Variants in FKTN observed in about 807,000 individuals in gnomAD.
The protein encoded by FKTN is fukutin, also known as ribitol-5-phosphate transferase FKTN.
Under a neutral mutation model 58.6 loss-of-function variants are expected in FKTN, and 47 were observed. The ratio of observed to expected loss-of-function variants is 0.80; its 90% CI spans 0.63 to 1.02. The LOEUF (loss-of-function observed/expected upper bound fraction) is 1.02, where lower values mean the gene tolerates loss of function less well. FKTN is among the 50% of genes least tolerant of loss of function. The pLI, the probability that FKTN is intolerant of heterozygous loss-of-function variation, is 0.00. For missense variants in FKTN, 516 were observed against 537.3 expected (o/e 0.96, Z 0.39); for synonymous variants, 178 against 191.9 (o/e 0.93, Z 0.60).
intron 1 of FKTN, among the ~76,000 whole-genome samples, chr9:105,563,428 C>T (rs1838688629): frequency 6.6e-6 from 1 of 152,178 alleles, no homozygotes; most frequent in Non-Finnish European, 1.5e-5. Context: ...CAAATGGCAC[C>T]TGGAAAATCG....
intron 9 of FKTN, among the ~76,000 whole-genome samples, chr9:105,618,838 G>A (rs1204258496): frequency 6.6e-6 from 1 of 152,198 alleles, no homozygotes; most frequent in East Asian, 1.9e-4. Flanking sequence ...GGGAGGCCGA[G>A]GCGGGTGGAT....
rs917793162 is a variant in FKTN, at chr9:105,568,911, C to T, written c.-180-4744C>T. On this transcript the variant is annotated intron_variant, in intron 1 of 10. Coordinates refer to ENST00000357998, the MANE Select transcript of FKTN (RefSeq NM_001079802.2). Reference sequence around the variant, plus strand: ...ACCCAGATGTCCATCAGTGATAGACCGGATTAAGAAAATGTGGCACATATA... The same window carrying T: ...ACCCAGATGTCCATCAGTGATAGACTGGATTAAGAAAATGTGGCACATATA... Among the ~76,000 whole-genome samples, 28 of 151,906 alleles carry T rather than the reference C, an allele frequency of 1.8e-4. No homozygotes were observed. In the East Asian group the frequency reaches 2.1e-3, roughly 12 times the overall value.
rs758301512 is a variant in FKTN, at chr9:105,635,393, A to G, written c.*129A>G. 1.3e-5 allele frequency: 19 copies of G among 1,516,920 alleles called. No homozygotes were observed. Among genetic ancestry groups the G allele is most frequent in the Non-Finnish European group, 1.7e-5 (19 of 1,135,606 alleles). The allele number at this position is 1,516,920 out of a possible 1,614,324, so 94.0% of individuals were successfully genotyped here. A position where few individuals can be genotyped will look rare whatever the true frequency, so the allele number is the denominator to read the frequency against. ...AAATGTGACAAGTTTGAAGACACAGAAAGAGTCATCTGATGTAATTCTCTC... is the reference window on the plus strand; with the variant it reads ...AAATGTGACAAGTTTGAAGACACAGGAAGAGTCATCTGATGTAATTCTCTC... On this transcript the variant is annotated 3_prime_UTR_variant, in exon 11 of 11. Transcript: ENST00000357998.
At chr9:105,599,013 G>A (rs1827339337) in intron 4 of FKTN, among the ~76,000 whole-genome samples, 1 of 151,704 alleles carries the variant, frequency 6.6e-6, no homozygotes, top group South Asian at 2.1e-4. Flanking sequence ...ACACTATTAA[G>A]AAAATGAATA....
intron 10 of FKTN, among the ~76,000 whole-genome samples, chr9:105,625,531 G>A (rs1160292619): frequency 6.6e-6 from 1 of 152,176 alleles, no homozygotes; most frequent in Non-Finnish European, 1.5e-5. Context: ...GCTAGTGTGT[G>A]TAGGCATGGA....
intron 3 of FKTN, among the ~76,000 whole-genome samples, chr9:105,579,179 G>C (rs997041243): frequency 1.3e-5 from 2 of 152,060 alleles, no homozygotes; most frequent in Non-Finnish European, 2.9e-5. Context: ...GTTCTGCTCT[G>C]ATCTTAGTTA....
intron 3 of FKTN, among the ~76,000 whole-genome samples, chr9:105,589,609 T>C (rs1844497749): frequency 6.6e-6 from 1 of 151,992 alleles, no homozygotes. Context: ...CTTAGGTAAG[T>C]ATAAGGTTTA....
At chr9:105,620,926 G>A (rs984734127) in intron 10 of FKTN, among the ~76,000 whole-genome samples, 8 of 152,004 alleles carry the variant, frequency 5.3e-5, no homozygotes, top group African/African-American at 1.9e-4. Context: ...GAGAACTTCT[G>A]TAAGAGTGTC....
intron 10 of FKTN, among the ~76,000 whole-genome samples, chr9:105,626,981 C>CTTTTTTTTTTTTTTTTTTTTT (rs60710867): frequency 1.6e-5 from 2 of 128,032 alleles, no homozygotes; most frequent in African/African-American, 6.0e-5. Context: ...CTTCTTTATT[C>CTTTTTTTTTTTTTTTTTTTTT]TTTTTTTTTT....
intron 10 of FKTN, among the ~76,000 whole-genome samples, chr9:105,632,532 G>A (rs1294589949): frequency 6.6e-6 from 1 of 151,862 alleles, no homozygotes; most frequent in Non-Finnish European, 1.5e-5. Context: ...ATAAAACACT[G>A]TTGGTTCTGG....
rs916485069 is a variant in FKTN, at chr9:105,638,507, A to C, written c.*3243A>C. On this transcript the variant is annotated 3_prime_UTR_variant, in exon 11 of 11. Coordinates refer to ENST00000357998, the MANE Select transcript of FKTN (RefSeq NM_001079802.2). ...CATCCCATTGCCACTTTACCATTCT[A>C]TTTCCCAAGGGAACCATCAGCACCA... The C allele has an allele frequency of 3.0e-6, 3 of 985,226 alleles. No individual in the cohort carries two copies. The African/African-American group carries it at 5.2e-5, about 17-fold the overall frequency. 61.0% of individuals were successfully genotyped at this position (985,226 alleles called of 1,614,324 possible).
At chr9:105,630,198 A>G (rs901788827) in intron 10 of FKTN, among the ~76,000 whole-genome samples, 3 of 152,152 alleles carry the variant, frequency 2.0e-5, no homozygotes, top group African/African-American at 7.2e-5. Context: ...CTTCAAGTAT[A>G]ATTAAAAAAA....
At position 105,593,006 on chromosome 9, in the gene FKTN, C is replaced by T. The variant is rs144994744; in HGVS notation, c.106-3592C>T. Among the ~76,000 whole-genome samples the T allele has an allele frequency of 8.7e-4, 132 of 152,312 alleles. 2 individuals carry two copies. The highest frequency in any genetic ancestry group is 1.6e-3 in the Non-Finnish European group (111 of 68,036). On this transcript the variant is annotated intron_variant, in intron 3 of 10. Transcript: ENST00000357998. The stretch of plus-strand genomic sequence containing the variant: ...GACACCTTACAGCAACACTGCTTTC[C>T]TGGTACCAATTTTCTGTAGTTAGTC...
intron 5 of FKTN, 104 bp from the exon 6 acceptor site, chr9:105,604,111 C>G: frequency 1.6e-6 from 2 of 1,217,878 alleles, no homozygotes; most frequent in East Asian, 4.7e-5. Context: ...AAATATGGCT[C>G]AAGTTCAATA....
Position 105,593,228 on chromosome 9 carries a change from A to AAG in FKTN, c.106-3361_106-3360dup, listed in dbSNP as rs1445357404. 2.0e-5 allele frequency among the ~76,000 whole-genome samples: 3 copies of AAG among 152,146 alleles called. No individual in the cohort carries two copies. In the East Asian group the frequency reaches 5.8e-4, roughly 29 times the overall value. On this transcript the variant is annotated intron_variant, in intron 3 of 10. Coordinates refer to ENST00000357998, the MANE Select transcript of FKTN (RefSeq NM_001079802.2). ...CACTTCATATGGCTGGAGCAGGAAG[A>AAG]AGAGAGAGAGGGAGGAGGTGCTACA...
At chr9:105,591,735 C>T (rs1381886800) in intron 3 of FKTN, among the ~76,000 whole-genome samples, 1 of 152,244 alleles carries the variant, frequency 6.6e-6, no homozygotes, top group African/African-American at 2.4e-5. Context: ...TGGGGGCTCT[C>T]TGTGGGAGCT....
At chr9:105,589,810 T>C (rs1336814398) in intron 3 of FKTN, among the ~76,000 whole-genome samples, 1 of 152,168 alleles carries the variant, frequency 6.6e-6, no homozygotes, top group Non-Finnish European at 1.5e-5. Context: ...CAGTGAAGCA[T>C]ACTAGGTAGA....
At position 105,636,016 on chromosome 9, in the gene FKTN, T is replaced by C. The variant is rs769279132; in HGVS notation, c.*752T>C. 3.1e-5 allele frequency: 31 copies of C among 985,524 alleles called. No individual in the cohort carries two copies. Among genetic ancestry groups the C allele is most frequent in the Non-Finnish European group, 3.6e-5 (30 of 830,084 alleles). The allele number at this position is 985,524 out of a possible 1,614,324, so 61.0% of individuals were successfully genotyped here. ...TATTTTCACTGACCTCTGATGGCACTTGTTGACAAATCATTCAAGTGAGAC... is the reference window on the plus strand; with the variant it reads ...TATTTTCACTGACCTCTGATGGCACCTGTTGACAAATCATTCAAGTGAGAC... On this transcript the variant is annotated 3_prime_UTR_variant, in exon 11 of 11. Transcript: ENST00000357998.
chr9:105,619,869 A>T (rs1337072584), intron 9 of FKTN, 65 bp from the exon 10 acceptor site: 4 of 1,418,580 alleles, frequency 2.8e-6, no homozygotes, highest in Non-Finnish European at 3.9e-6. Context: ...TTATTTTTTA[A>T]AAAAAGGTTT....
Sources: allele counts gnomAD v4.1 joint callset (sites outside exome capture counted in the v4.1 genomes callset), GRCh38; gene constraint gnomAD v4.1.1; transcripts MANE v1.5; gene names NCBI Gene and HGNC (gene_info 2026-07-23, HGNC 2026-07-21).